IGSF10: variants seen among roughly 807,000 people sequenced by gnomAD.
IGSF10 encodes the protein immunoglobulin superfamily member 10.
Under a neutral mutation model 128.2 loss-of-function variants are expected in IGSF10, and 126 were observed. The ratio of observed to expected loss-of-function variants is 0.98; its 90% CI spans 0.85 to 1.14. The LOEUF is 1.14. IGSF10 is among the 50% of genes most tolerant of loss of function. The probability of loss-of-function intolerance (pLI) is 0.00; values close to 1 mark genes in which losing one functional copy is unlikely to be tolerated. For missense variants in IGSF10, 3,295 were observed against 3,149.8 expected (o/e 1.05, Z -1.10); for synonymous variants, 1,185 against 1,146.2 (o/e 1.03, Z -0.68).
In IGSF10 at chr3:151,447,936, T is replaced by C. The variant is rs371140788; in HGVS notation, c.2045A>G (p.Asp682Gly). ...AAGATGAGCAATAGGATTGGACTCATCAAGTCCAGATCCCTCTGTTTCTCC... is the reference window on the plus strand; with the variant it reads ...AAGATGAGCAATAGGATTGGACTCACCAAGTCCAGATCCCTCTGTTTCTCC... The part of the protein sequence containing the change: ...HDGETEGSGL[D>G]ESNPIAHLKE... The change falls in exon 6 of 8, where the codon GAT (aspartate) becomes GGT (glycine). Residue 682 changes from aspartate to glycine, a missense_variant. Coordinates refer to ENST00000282466, the MANE Select transcript of IGSF10 (RefSeq NM_178822.5). The C allele has an allele frequency of 5.2e-5, 84 of 1,614,086 alleles. 1 individual carries two copies. In the East Asian group the frequency reaches 1.4e-3, roughly 27 times the overall value.
At chr3:151,459,327 C>T (rs1459461004) in intron 2 of IGSF10, among the ~76,000 whole-genome samples, 4 of 152,042 alleles carry the variant, frequency 2.6e-5, no homozygotes, top group African/African-American at 4.8e-5. Flanking sequence ...TTTATCATTT[C>T]ATATATAATG....
At chr3:151,603,265 A>G in the IGSF10 span, among the ~76,000 whole-genome samples, 1 of 152,214 alleles carries the variant, frequency 6.6e-6, no homozygotes, top group Non-Finnish European at 1.5e-5. Context: ...CCTGATCTTA[A>G]GCAAGTGACT....
chr3:151,499,318 C>T, the IGSF10 span, among the ~76,000 whole-genome samples: 60 of 152,216 alleles, frequency 3.9e-4, no homozygotes, highest in Admixed American at 1.2e-3. Flanking sequence ...ATTGAGAATA[C>T]TTAATTTAGT....
chr3:151,437,695 C>T lies in IGSF10; in HGVS notation c.6866G>A (p.Arg2289Lys). Residue 2289 changes from arginine to lysine, a missense_variant, in exon 8 of 8, where the codon AGA becomes AAA. Coordinates refer to ENST00000282466, the MANE Select transcript of IGSF10 (RefSeq NM_178822.5). The stretch of plus-strand genomic sequence containing the variant: ...GGTTCCATTTTTATGGACTGTGATT[C>T]TGCTTCCATAGTATGGGGCTGTGAG... ...IFLTAPYYGS[R>K]ITVHKNGTLE... 1 of 1,614,164 alleles carries T rather than the reference C, an allele frequency of 6.2e-7. No individual in the cohort carries two copies. Among genetic ancestry groups the T allele is most frequent in the Non-Finnish European group, 8.5e-7 (1 of 1,180,034 alleles).
the IGSF10 span, among the ~76,000 whole-genome samples, chr3:151,616,909 G>C: frequency 6.6e-6 from 1 of 152,150 alleles, no homozygotes; most frequent in Non-Finnish European, 1.5e-5. Context: ...TCTGGTAAGG[G>C]CCTTTTTACA....
chr3:151,509,972 G>T, the IGSF10 span, among the ~76,000 whole-genome samples: 1 of 152,222 alleles, frequency 6.6e-6, no homozygotes, highest in Non-Finnish European at 1.5e-5. Context: ...AAACGAAGTG[G>T]CCAGGAAGCT....
chr3:151,586,420 A>G, the IGSF10 span, among the ~76,000 whole-genome samples: 4 of 152,354 alleles, frequency 2.6e-5, no homozygotes, highest in Admixed American at 2.6e-4. Flanking sequence ...GTTAAGTGCT[A>G]TAATTTTATT....
the IGSF10 span, among the ~76,000 whole-genome samples, chr3:151,515,657 G>A: frequency 6.6e-6 from 1 of 150,414 alleles, no homozygotes; most frequent in Non-Finnish European, 1.5e-5. Flanking sequence ...GACTCATCAT[G>A]GAGAAGATAA....
chr3:151,606,983 A>C, the IGSF10 span, among the ~76,000 whole-genome samples: 2 of 152,188 alleles, frequency 1.3e-5, no homozygotes, highest in African/African-American at 2.4e-5. Context: ...GAGAATTTGT[A>C]GTGCCATCTC....
the IGSF10 span, among the ~76,000 whole-genome samples, chr3:151,498,691 T>A: frequency 6.6e-6 from 1 of 152,132 alleles, no homozygotes; most frequent in African/African-American, 2.4e-5. Flanking sequence ...TTACACATCT[T>A]CATTTTTACT....
chr3:151,591,319 C>T, the IGSF10 span, among the ~76,000 whole-genome samples: 1 of 148,932 alleles, frequency 6.7e-6, no homozygotes, highest in East Asian at 2.0e-4. Context: ...TCTTAGTATG[C>T]TACAAATATT....
the IGSF10 span, among the ~76,000 whole-genome samples, chr3:151,609,406 A>G: frequency 6.6e-6 from 1 of 152,216 alleles, no homozygotes; most frequent in African/African-American, 2.4e-5. Flanking sequence ...TTTTAAAAAG[A>G]ACACTCTGAG....
At chr3:151,517,675 G>C in the IGSF10 span, among the ~76,000 whole-genome samples, 2 of 151,934 alleles carry the variant, frequency 1.3e-5, no homozygotes, top group Non-Finnish European at 2.9e-5. Flanking sequence ...GAATCTGACC[G>C]AAAGGGAGGA....
upstream of IGSF10, among the ~76,000 whole-genome samples, chr3:151,463,169 C>CT (rs1722126571): frequency 6.6e-6 from 1 of 152,184 alleles, no homozygotes; most frequent in Non-Finnish European, 1.5e-5. Flanking sequence ...AGATAAATCT[C>CT]TACAATTGCT....
chr3:151,500,998 G>A, the IGSF10 span, among the ~76,000 whole-genome samples: 2 of 151,978 alleles, frequency 1.3e-5, no homozygotes, highest in African/African-American at 2.4e-5. Context: ...TAATGTCAAG[G>A]AACCATGGAT....
At position 151,436,425 on chromosome 3, in the gene IGSF10, T is replaced by C. The variant is rs1483151355; in HGVS notation, c.*264A>G. ...ACATTAGCCATTTGTTATTTTATAG[T>C]GAACCGTTTCAATGTTTGTTTATTG... On this transcript the variant is annotated 3_prime_UTR_variant, in exon 8 of 8. Coordinates refer to ENST00000282466, the MANE Select transcript of IGSF10 (RefSeq NM_178822.5). 3 of 309,556 alleles carry C rather than the reference T, an allele frequency of 9.7e-6. No homozygotes were observed. The highest frequency in any genetic ancestry group is 1.8e-5 in the Non-Finnish European group (3 of 168,904). The allele number at this position is 309,556 out of a possible 1,614,324, so 19.2% of individuals were successfully genotyped here. A position where few individuals can be genotyped will look rare whatever the true frequency, so the allele number is the denominator to read the frequency against.
the IGSF10 span, among the ~76,000 whole-genome samples, chr3:151,618,746 T>TA: frequency 7.1e-6 from 1 of 140,494 alleles, no homozygotes; most frequent in Non-Finnish European, 1.6e-5. Context: ...AAATAAAAAA[T>TA]AAAAAATAAA....
In IGSF10 at chr3:151,438,372, G is replaced by A. The variant is rs368664622; in HGVS notation, c.6189C>T (p.Ser2063=). 311 of 1,614,116 alleles carry A rather than the reference G, an allele frequency of 1.9e-4. No homozygotes were observed. The highest frequency in any genetic ancestry group is 1.6e-3 in the Admixed American group (96 of 60,024). ...AAGATATCTCTGGCACTGGGGAGCC[G>A]GAAGCTTTGCAATCTACTTGGAAAT... ...GKDFQVDCKA[S]GSPVPEISWS... is the part of the protein sequence containing the mutation. Residue 2063 remains serine, a synonymous_variant, in exon 8 of 8, where the codon TCC becomes TCT. Coordinates refer to ENST00000282466, the MANE Select transcript of IGSF10 (RefSeq NM_178822.5).
chr3:151,615,620 C>T, the IGSF10 span, among the ~76,000 whole-genome samples: 1 of 152,010 alleles, frequency 6.6e-6, no homozygotes, highest in African/African-American at 2.4e-5. Flanking sequence ...ATTTTAAGTA[C>T]GCTCTTTATG....
Sources: allele counts gnomAD v4.1 joint callset (sites outside exome capture counted in the v4.1 genomes callset), GRCh38; gene constraint gnomAD v4.1.1; transcripts MANE v1.5; gene names NCBI Gene and HGNC (gene_info 2026-07-23, HGNC 2026-07-21).